The following DAB1 variants were observed in gnomAD, a reference collection of about 807,000 sequenced individuals.
DAB1 encodes the protein DAB adaptor protein 1.
A neutral mutation model predicts 64.6 loss-of-function variants in DAB1; 15 were observed. That is an observed-to-expected ratio of 0.23 (90% CI 0.16 to 0.36). DAB1 has a LOEUF of 0.36. DAB1 is among the 10% of genes least tolerant of loss of function. The pLI is 1.00. For synonymous variants in DAB1, 235 were observed against 251.9 expected (o/e 0.93, Z 0.64); for missense variants, 596 against 706.7 (o/e 0.84, Z 1.78).
At chr1:58,142,242 G>A (rs1654327692) in intron 5 of DAB1, among the ~76,000 whole-genome samples, 1 of 152,150 alleles carries the variant, frequency 6.6e-6, no homozygotes, top group South Asian at 2.1e-4. Flanking sequence ...CCACTCGGCT[G>A]CCTTGGTCTC....
intron 2 of DAB1, among the ~76,000 whole-genome samples, chr1:58,524,281 G>A (rs1009903045): frequency 6.6e-6 from 1 of 152,114 alleles, no homozygotes; most frequent in African/African-American, 2.4e-5. Context: ...TTTTCTTAAA[G>A]CATCTGGGAA....
intron 9 of DAB1, chr1:57,033,306 A>C: frequency 6.9e-7 from 1 of 1,442,884 alleles, no homozygotes; most frequent in Non-Finnish European, 9.7e-7. Flanking sequence ...TCTGCCATTC[A>C]TGCAAGCTGG....
chr1:58,389,473 C>T (rs1006757702), intron 3 of DAB1, among the ~76,000 whole-genome samples: 5 of 152,184 alleles, frequency 3.3e-5, no homozygotes, highest in African/African-American at 9.6e-5. Flanking sequence ...CAGGCCAGCA[C>T]TTCAGCATCC....
At chr1:57,200,334 A>T (rs1664990020) in intron 2 of DAB1, among the ~76,000 whole-genome samples, 1 of 152,226 alleles carries the variant, frequency 6.6e-6, no homozygotes. Flanking sequence ...ATGATGGGTA[A>T]AATCAACATG....
At chr1:57,699,226 C>T (rs1195532813) in intron 6 of DAB1, among the ~76,000 whole-genome samples, 1 of 152,202 alleles carries the variant, frequency 6.6e-6, no homozygotes, top group Non-Finnish European at 1.5e-5. Context: ...AGGTGTGAGT[C>T]ATGGTGCCCA....
chr1:57,379,074 A>T (rs927123833), intron 1 of DAB1, among the ~76,000 whole-genome samples: 6 of 152,090 alleles, frequency 3.9e-5, no homozygotes, highest in African/African-American at 1.4e-4. Context: ...GGGTAAACCT[A>T]GGGTGGTTCT....
At chr1:57,174,787 C>G (rs1225887727) in intron 2 of DAB1, among the ~76,000 whole-genome samples, 1 of 152,090 alleles carries the variant, frequency 6.6e-6, no homozygotes, top group Non-Finnish European at 1.5e-5. Flanking sequence ...CAATCAAAAA[C>G]CTATGTTAGA....
intron 5 of DAB1, among the ~76,000 whole-genome samples, chr1:58,018,312 G>A (rs1057086796): frequency 5.9e-5 from 9 of 152,058 alleles, no homozygotes; most frequent in African/African-American, 2.2e-4. Context: ...CTCCCCAGCT[G>A]CCAGAATCTC....
intron 4 of DAB1, among the ~76,000 whole-genome samples, chr1:58,277,596 C>G (rs1018085973): frequency 3.3e-5 from 5 of 152,186 alleles, no homozygotes; most frequent in Non-Finnish European, 5.9e-5. Context: ...CAGTCAGAAT[C>G]TCCTAAGGGT....
intron 7 of DAB1, among the ~76,000 whole-genome samples, chr1:57,635,368 T>A (rs952711250): frequency 2.5e-4 from 38 of 152,130 alleles, no homozygotes; most frequent in Non-Finnish European, 2.9e-5. Context: ...CGAAGCTTCA[T>A]CTGTATTTAC....
At chr1:57,482,490 A>C (rs1204869068) in intron 7 of DAB1, among the ~76,000 whole-genome samples, 4 of 150,928 alleles carry the variant, frequency 2.7e-5, no homozygotes, top group South Asian at 2.1e-4. Context: ...AAAAAAAAAA[A>C]AAAAAAAAAA....
exon 1 of DAB1, chr1:58,546,705 A>C (rs1320536009): frequency 1.3e-5 from 2 of 152,186 alleles, no homozygotes; most frequent in East Asian, 3.9e-4. Context: ...GGACTGACTC[A>C]AGCAGAAGCG....
intron 6 of DAB1, among the ~76,000 whole-genome samples, chr1:57,729,535 A>T (rs1164335750): frequency 6.6e-6 from 1 of 152,218 alleles, no homozygotes; most frequent in Non-Finnish European, 1.5e-5. Flanking sequence ...AAGCCACATA[A>T]ATGACAGAGC....
At chr1:57,566,765 G>A (rs1226177962) in intron 7 of DAB1, among the ~76,000 whole-genome samples, 1 of 152,148 alleles carries the variant, frequency 6.6e-6, no homozygotes, top group Non-Finnish European at 1.5e-5. Flanking sequence ...AACAGGCTCT[G>A]AAATTGAGGC....
intron 4 of DAB1, among the ~76,000 whole-genome samples, chr1:58,241,767 A>G (rs1660309224): frequency 1.3e-5 from 2 of 152,080 alleles, no homozygotes; most frequent in African/African-American, 4.8e-5. Flanking sequence ...TAAAATAGCA[A>G]TGAGATATTT....
intron 9 of DAB1, among the ~76,000 whole-genome samples, chr1:57,054,867 A>T (rs1460124763): frequency 6.6e-6 from 1 of 152,144 alleles, no homozygotes; most frequent in Non-Finnish European, 1.5e-5. Context: ...AACAAAGACT[A>T]CGTGTATTTC....
rs975221908 is a variant in DAB1, at chr1:57,657,361, G to A, written n.552-7696C>T. On this transcript the variant is annotated intron_variant and non_coding_transcript_variant, in intron 6 of 20. Coordinates refer to the DAB1 transcript ENST00000485760. Reference sequence around the variant, plus strand: ...TTTGCATACATTCAATCATAGCAAAGGTGTGAGCAGTAAAACCCCTAGGGG... The same window carrying A: ...TTTGCATACATTCAATCATAGCAAAAGTGTGAGCAGTAAAACCCCTAGGGG... Among the ~76,000 whole-genome samples the A allele has an allele frequency of 3.9e-5, 6 of 152,282 alleles. No individual in the cohort carries two copies. The East Asian group carries it at 9.6e-4, about 24-fold the overall frequency.
chr1:58,388,976 A>G (rs1177696419), intron 3 of DAB1, among the ~76,000 whole-genome samples: 1 of 152,230 alleles, frequency 6.6e-6, no homozygotes, highest in African/African-American at 2.4e-5. Flanking sequence ...TCCGAATGAA[A>G]AAGACATGGT....
At chr1:57,014,300 C>T (rs1390930677) in intron 12 of DAB1, among the ~76,000 whole-genome samples, 1 of 152,206 alleles carries the variant, frequency 6.6e-6, no homozygotes, top group Non-Finnish European at 1.5e-5. Context: ...GAAGCTTTAA[C>T]CCAAAATGAG....
Sources: gnomAD v4.1 joint callset for allele counts (sites outside exome capture counted in the v4.1 genomes callset) on GRCh38, gnomAD v4.1.1 for gene constraint, MANE v1.5 for transcripts, NCBI Gene and HGNC (gene_info 2026-07-23, HGNC 2026-07-21) for gene names.